The following CCDC50 variants were observed in gnomAD, a reference collection of about 807,000 sequenced individuals.
The protein encoded by CCDC50 is coiled-coil domain-containing protein 50.
A neutral mutation model predicts 70.2 loss-of-function variants in CCDC50; 54 were observed. The ratio of observed to expected loss-of-function variants is 0.77; its 90% CI spans 0.62 to 0.96. The LOEUF (loss-of-function observed/expected upper bound fraction) is 0.96. CCDC50 is among the 50% of genes least tolerant of loss of function. The pLI, the probability that CCDC50 is intolerant of heterozygous loss-of-function variation, is 0.00. For synonymous variants in CCDC50, 216 were observed against 198.8 expected, an observed-to-expected ratio of 1.09 and a Z score of -0.73; for missense variants, 558 against 578.7, an observed-to-expected ratio of 0.96 and a Z score of 0.37.
rs922768098 is a variant in CCDC50, at chr3:191,363,746, T to C, written c.330+2587T>C. 6.9e-4 allele frequency among the ~76,000 whole-genome samples: 105 copies of C among 152,222 alleles called. 1 individual carries two copies. Among genetic ancestry groups the C allele is most frequent in the Admixed American group, 6.3e-3 (96 of 15,280 alleles). On this transcript the variant is annotated intron_variant, in intron 4 of 11. Transcript: ENST00000392455. ...AAAAGTTAAATGAGAAATCCAGTTG[T>C]ATAGGTGTGTTGACCAGACAAGCCT... is the stretch of plus-strand genomic sequence containing the variant.
chr3:191,392,140 G>A lies in CCDC50; in HGVS notation c.*380G>A, dbSNP rs112044573. The A allele has an allele frequency of 1.9e-3, 360 of 188,722 alleles. 3 individuals carry two copies. Among genetic ancestry groups the A allele is most frequent in the Non-Finnish European group, 3.2e-3 (289 of 89,930 alleles). 11.7% of individuals were successfully genotyped at this position (188,722 alleles called of 1,614,324 possible). A position where few individuals can be genotyped will look rare whatever the true frequency, so the allele number is the denominator to read the frequency against. ...AAGTGAAACAATGTTTGGATGCAACGCAGAATAAAAGAATATAAGAAATAG... is the reference window on the plus strand; with the variant it reads ...AAGTGAAACAATGTTTGGATGCAACACAGAATAAAAGAATATAAGAAATAG... On this transcript the variant is annotated 3_prime_UTR_variant, in exon 12 of 12. Transcript: ENST00000392455.
At chr3:191,386,724 T>C (rs529666616) in intron 10 of CCDC50, among the ~76,000 whole-genome samples, 94 of 152,278 alleles carry the variant, frequency 6.2e-4, no homozygotes, top group Admixed American at 1.1e-3. Flanking sequence ...CTCAATCCCA[T>C]CTACGATAAC....
intron 5 of CCDC50, among the ~76,000 whole-genome samples, chr3:191,371,805 ATATGT>A (rs1712922459): frequency 2.0e-5 from 3 of 152,110 alleles, no homozygotes; most frequent in African/African-American, 7.2e-5. Flanking sequence ...TGATGAATCT[ATATGT>A]TATGTCATTT....
intron 4 of CCDC50, among the ~76,000 whole-genome samples, chr3:191,364,274 G>A (rs1480551080): frequency 6.6e-6 from 1 of 151,864 alleles, no homozygotes; most frequent in Admixed American, 6.6e-5. Context: ...TCGTCATGTT[G>A]GCTAGGATGG....
intron 1 of CCDC50, among the ~76,000 whole-genome samples, chr3:191,336,512 G>A (rs760698704): frequency 4.0e-5 from 6 of 151,616 alleles, no homozygotes; most frequent in Non-Finnish European, 8.8e-5. Context: ...TTTTAAAATC[G>A]ACTATTTTCT....
chr3:191,341,115 CA>C (rs1711714605), intron 1 of CCDC50, among the ~76,000 whole-genome samples: 1 of 152,092 alleles, frequency 6.6e-6, no homozygotes, highest in Non-Finnish European at 1.5e-5. Context: ...TTCCTAAGAG[CA>C]AGTACTCACT....
chr3:191,364,114 G>C (rs1366638835), intron 4 of CCDC50, among the ~76,000 whole-genome samples: 2 of 151,500 alleles, frequency 1.3e-5, no homozygotes, highest in Non-Finnish European at 2.9e-5. Context: ...CTGTCTCCAG[G>C]CTGGAGTATA....
In CCDC50 at chr3:191,375,217, A is replaced by C. The variant is rs150340096; in HGVS notation, c.604A>C (p.Arg202=). Residue 202 remains arginine, a synonymous_variant, in exon 6 of 12, where the codon AGA becomes CGA. Coordinates refer to ENST00000392455, the MANE Select transcript of CCDC50 (RefSeq NM_178335.3). ...GCCAGAACAACATTGTTCATCGAAG[A>C]GATCCCTGTCATCCTCTAGCTCGGG... ...EEPEQHCSSK[R]SLSSSSSGKG... 25 of 1,613,764 alleles carry C rather than the reference A, an allele frequency of 1.5e-5. No individual in the cohort carries two copies. In the African/African-American group the frequency reaches 3.2e-4, roughly 21 times the overall value.
intron 1 of CCDC50, among the ~76,000 whole-genome samples, chr3:191,337,314 A>G (rs1296435516): frequency 6.6e-6 from 1 of 152,140 alleles, no homozygotes; most frequent in African/African-American, 2.4e-5. Flanking sequence ...CTTGGGAATT[A>G]TTGTTGATTG....
At chr3:191,332,189 T>TA (rs1397019062) in intron 1 of CCDC50, among the ~76,000 whole-genome samples, 2 of 152,156 alleles carry the variant, frequency 1.3e-5, no homozygotes, top group African/African-American at 4.8e-5. Flanking sequence ...GACATTAGGG[T>TA]AAGGGGATAT....
chr3:191,375,151 A>C lies in CCDC50; in HGVS notation c.538A>C (p.Lys180Gln). 6.2e-7 allele frequency: 1 copy of C among 1,613,794 alleles called. No homozygotes were observed. Among genetic ancestry groups the C allele is most frequent in the Non-Finnish European group, 8.5e-7 (1 of 1,179,790 alleles). Residue 180 changes from lysine to glutamine, a missense_variant, in exon 6 of 12, where the codon AAG becomes CAG. Transcript: ENST00000392455. Reference protein sequence around the residue: ...LQRDGKTVKHKKEKPEHPLEN... With the variant: ...LQRDGKTVKHQKEKPEHPLEN... ...AAGAGATGGAAAGACTGTGAAGCAC[A>C]AGAAAGAGAAACCAGAACATCCACT... is the stretch of plus-strand genomic sequence containing the variant.
chr3:191,382,844 A>G lies in CCDC50; in HGVS notation c.1322+19A>G, dbSNP rs563875557. ...CAGCACGGTAAGCTGACACCTGAAA[A>G]GAAAAATGAGGAAGTTGACTTTGGG... On this transcript the variant is annotated intron_variant, in intron 10 of 11. Transcript: ENST00000392455. 8.3e-5 allele frequency: 130 copies of G among 1,565,528 alleles called. No homozygotes were observed. The highest frequency in any genetic ancestry group is 3.4e-4 in the Middle Eastern group (2 of 5,958).
chr3:191,364,921 G>GTAACTCTTTTACATA (rs1712629129), intron 4 of CCDC50, among the ~76,000 whole-genome samples: 1 of 151,914 alleles, frequency 6.6e-6, no homozygotes, highest in Non-Finnish European at 1.5e-5. Flanking sequence ...TCTCGAATAT[G>GTAACTCTTTTACATA]GTAGTTCTCC....
intron 4 of CCDC50, among the ~76,000 whole-genome samples, chr3:191,367,781 A>T (rs1432614846): frequency 6.6e-6 from 1 of 152,144 alleles, no homozygotes; most frequent in Non-Finnish European, 1.5e-5. Flanking sequence ...CAAACCACGT[A>T]GGAAAATATA....
chr3:191,389,833 CA>C (rs1175879140), intron 11 of CCDC50, among the ~76,000 whole-genome samples: 1 of 146,612 alleles, frequency 6.8e-6, no homozygotes, highest in Non-Finnish European at 1.5e-5. Flanking sequence ...AGAGGGAGCA[CA>C]ACGCTTTCAT....
intron 5 of CCDC50, among the ~76,000 whole-genome samples, chr3:191,373,246 C>A (rs1712976007): frequency 6.6e-6 from 1 of 152,034 alleles, no homozygotes; most frequent in Non-Finnish European, 1.5e-5. Flanking sequence ...CAGATAGATT[C>A]CTCACATTAT....
rs561456148 is a variant in CCDC50 at position 191,383,204 on chromosome 3, T to C, written c.1322+379T>C. On this transcript the variant is annotated intron_variant, in intron 10 of 11. Transcript: ENST00000392455. Reference sequence around the variant, plus strand: ...TAGCCACACTGATGTGTGCATGCCATTTGCACATGCTCAAACTCATTTCTT... The same window carrying C: ...TAGCCACACTGATGTGTGCATGCCACTTGCACATGCTCAAACTCATTTCTT... Among the ~76,000 whole-genome samples, 481 of 152,274 alleles carry C rather than the reference T, an allele frequency of 3.2e-3. 3 individuals are homozygous for C. Among genetic ancestry groups the C allele is most frequent in the African/African-American group, 0.011 (456 of 41,570 alleles).
Position 191,352,018 on chromosome 3 carries a change from G to A in CCDC50, c.50-5070G>A, listed in dbSNP as rs540106728. Among the ~76,000 whole-genome samples the A allele has an allele frequency of 1.4e-5, 2 of 141,892 alleles. 1 individual carries two copies. The highest frequency in any genetic ancestry group is 4.4e-4 in the South Asian group (2 of 4,508). 93.1% of individuals were successfully genotyped at this position (141,892 alleles called of 152,430 possible). ...ATTACTTTAAGGTTTCTTGATACAC[G>A]GTTTCTTGATACATTCTGTTTAAAT... is the stretch of plus-strand genomic sequence containing the variant. On this transcript the variant is annotated intron_variant, in intron 1 of 11. Transcript: ENST00000392455.
chr3:191,390,411 C>CTTG (rs56758535), intron 11 of CCDC50, among the ~76,000 whole-genome samples: 4 of 136,736 alleles, frequency 2.9e-5, no homozygotes, highest in East Asian at 2.0e-4. Flanking sequence ...GAAGAAGGTT[C>CTTG]GAATAAAGAA....
Sources: allele counts gnomAD v4.1 joint callset (sites outside exome capture counted in the v4.1 genomes callset), GRCh38; gene constraint gnomAD v4.1.1; transcripts MANE v1.5; gene names NCBI Gene and HGNC (gene_info 2026-07-23, HGNC 2026-07-21).